The following DSCAML1 variants were observed in gnomAD, a reference collection of about 807,000 sequenced individuals.
DSCAML1 encodes DS cell adhesion molecule like 1, also known as cell adhesion molecule DSCAML1.
In DSCAML1, 38 loss-of-function variants were observed where a neutral mutation model predicts 200.5. The ratio of observed to expected loss-of-function variants is 0.19; its 90% CI spans 0.15 to 0.25. DSCAML1 has a LOEUF of 0.25. Among genes scored for constraint, DSCAML1 ranks in the 10% least tolerant of loss-of-function variants. The pLI is 1.00. For synonymous variants in DSCAML1, 1,215 were observed against 1,165.0 expected (o/e 1.04, Z -0.87); for missense variants, 2,223 against 2,858.8 (o/e 0.78, Z 5.07).
chr11:117,492,670 C>A (rs534117054), intron 11 of DSCAML1, among the ~76,000 whole-genome samples: 2 of 152,066 alleles, frequency 1.3e-5, no homozygotes, highest in African/African-American at 2.4e-5. Context: ...TGCTGTTTGG[C>A]GGTGTGAGAT....
chr11:117,490,282 G>A (rs148302503), intron 11 of DSCAML1, among the ~76,000 whole-genome samples: 2 of 152,268 alleles, frequency 1.3e-5, no homozygotes, highest in African/African-American at 4.8e-5. Context: ...GCCGGCTCCT[G>A]TCACCCCTGA....
chr11:117,632,788 CATA>C (rs755373066), intron 3 of DSCAML1, among the ~76,000 whole-genome samples: 2 of 152,166 alleles, frequency 1.3e-5, no homozygotes, highest in Non-Finnish European at 2.9e-5. Context: ...CTAATTAATT[CATA>C]ATAATAGTAA....
At chr11:117,452,095 T>C (rs1012501249) in intron 19 of DSCAML1, among the ~76,000 whole-genome samples, 3 of 152,176 alleles carry the variant, frequency 2.0e-5, no homozygotes, top group African/African-American at 7.2e-5. Flanking sequence ...TGGATGTCTC[T>C]GCAGCTGTGG....
rs955265831 is a variant in DSCAML1, at chr11:117,441,831, C to A, written c.3863-1895G>T. On this transcript the variant is annotated intron_variant, in intron 21 of 32. Coordinates refer to ENST00000651296, the MANE Select transcript of DSCAML1 (RefSeq NM_020693.4). ...CACCAGACAGGCCCGGCAGAGGGGT[C>A]CACATGAAGACGGCCTCCATGCGGG... Among the ~76,000 whole-genome samples, 4 of 152,100 alleles carry A rather than the reference C, an allele frequency of 2.6e-5. No individual in the cohort carries two copies. In the East Asian group the frequency reaches 7.7e-4, roughly 29 times the overall value.
intron 6 of DSCAML1, among the ~76,000 whole-genome samples, chr11:117,519,661 A>C (rs756290240): frequency 2.0e-5 from 3 of 152,034 alleles, no homozygotes; most frequent in Non-Finnish European, 2.9e-5. Context: ...CTTTAGAAAA[A>C]ATGTAAAAAA....
intron 1 of DSCAML1, among the ~76,000 whole-genome samples, chr11:117,792,662 C>T (rs2055493444): frequency 6.6e-6 from 1 of 152,170 alleles, no homozygotes; most frequent in Non-Finnish European, 1.5e-5. Context: ...CAGCAACTAC[C>T]TCACTACCTG....
intron 3 of DSCAML1, among the ~76,000 whole-genome samples, chr11:117,689,384 C>T (rs886712635): frequency 6.6e-6 from 1 of 152,194 alleles, no homozygotes; most frequent in African/African-American, 2.4e-5. Context: ...CCTGAGAAAT[C>T]AGAGCCTGTC....
chr11:117,523,215 C>T (rs1228843634), intron 5 of DSCAML1, among the ~76,000 whole-genome samples: 1 of 152,126 alleles, frequency 6.6e-6, no homozygotes, highest in South Asian at 2.1e-4. Context: ...CATTTACCTA[C>T]AGGAAGGTTT....
Position 117,652,794 on chromosome 11 carries a change from C to T in DSCAML1, c.512-120272G>A, listed in dbSNP as rs1301915029. On this transcript the variant is annotated intron_variant, in intron 3 of 32. Transcript: ENST00000651296. ...GGCAAGGTGTCTCCCCATTGCCACC[C>T]CCTCAGCCCCATAAAAGGCATTCCC... Among the ~76,000 whole-genome samples, 3 of 152,186 alleles carry T rather than the reference C, an allele frequency of 2.0e-5. No individual in the cohort carries two copies. In the East Asian group the frequency reaches 5.8e-4, roughly 29 times the overall value.
At chr11:117,740,263 T>C (rs919501732) in intron 3 of DSCAML1, among the ~76,000 whole-genome samples, 1 of 152,168 alleles carries the variant, frequency 6.6e-6, no homozygotes, top group Non-Finnish European at 1.5e-5. Flanking sequence ...GAAAACAGGC[T>C]TAGAGAGGAT....
chr11:117,809,618 G>C (rs189838075), intron 1 of DSCAML1, among the ~76,000 whole-genome samples: 1 of 152,328 alleles, frequency 6.6e-6, no homozygotes, highest in African/African-American at 2.4e-5. Flanking sequence ...GCCGGAGGCT[G>C]GGCTCACTCC....
chr11:117,513,766 AT>A (rs1185514686), intron 8 of DSCAML1, among the ~76,000 whole-genome samples: 2 of 145,516 alleles, frequency 1.4e-5, no homozygotes, highest in Non-Finnish European at 3.0e-5. Context: ...AAAAAAGTCC[AT>A]TTTCCTGGGC....
rs536698773 is a variant in DSCAML1, at chr11:117,489,525, G to A, written c.2360-7363C>T. 4.3e-4 allele frequency among the ~76,000 whole-genome samples: 66 copies of A among 152,316 alleles called. No homozygotes were observed. Among genetic ancestry groups the A allele is most frequent in the Admixed American group, 2.0e-3 (30 of 15,308 alleles). On this transcript the variant is annotated intron_variant, in intron 11 of 32. Coordinates refer to ENST00000651296, the MANE Select transcript of DSCAML1 (RefSeq NM_020693.4). This position sits in a 1 kb window ranked among gnomAD's most constrained non-coding sequence, Gnocchi z 4.8. ...TAGGGCTAGGCACAGTGGTGTGGGT[G>A]AGCTCCTTCTCAATACACAGCTCCT...
At chr11:117,706,306 A>T (rs1268812051) in intron 3 of DSCAML1, among the ~76,000 whole-genome samples, 2 of 151,892 alleles carry the variant, frequency 1.3e-5, no homozygotes, top group African/African-American at 4.8e-5. Context: ...TGTTTGTTCG[A>T]TTGTTTCCAA....
chr11:117,737,269 A>G (rs564293853), intron 3 of DSCAML1, among the ~76,000 whole-genome samples: 21 of 152,356 alleles, frequency 1.4e-4, no homozygotes, highest in Non-Finnish European at 2.5e-4. Flanking sequence ...ATGAAAAAGG[A>G]AGAACAGCTG....
At chr11:117,502,325 G>A (rs1332148236) in intron 11 of DSCAML1, among the ~76,000 whole-genome samples, 5 of 152,214 alleles carry the variant, frequency 3.3e-5, no homozygotes, top group African/African-American at 1.2e-4. Context: ...TAAAGGAAAA[G>A]GCAAAGAACA....
chr11:117,772,025 A>G (rs1025333521), intron 3 of DSCAML1, among the ~76,000 whole-genome samples: 5 of 152,154 alleles, frequency 3.3e-5, no homozygotes, highest in African/African-American at 9.7e-5. Context: ...GCAGGGCTCC[A>G]GGAATGAAAC....
chr11:117,728,570 CAAAT>C (rs2054170923), intron 3 of DSCAML1, among the ~76,000 whole-genome samples: 3 of 151,942 alleles, frequency 2.0e-5, no homozygotes, highest in Non-Finnish European at 4.4e-5. Flanking sequence ...ATTATTATAA[CAAAT>C]AAGTGAGTTC....
chr11:117,476,510 G>A (rs1193397752), intron 14 of DSCAML1, among the ~76,000 whole-genome samples: 1 of 152,184 alleles, frequency 6.6e-6, no homozygotes, highest in Non-Finnish European at 1.5e-5. Context: ...ACCATGCCAT[G>A]CCAGGCCAGC....
Sources: allele counts gnomAD v4.1 joint callset (sites outside exome capture counted in the v4.1 genomes callset), GRCh38; gene constraint gnomAD v4.1.1; non-coding constraint Gnocchi (gnomAD v3.1); transcripts MANE v1.5; gene names NCBI Gene and HGNC (gene_info 2026-07-23, HGNC 2026-07-21).